The following CSMD3 variants were observed in gnomAD, a reference collection of about 807,000 sequenced individuals.
CSMD3 encodes the protein CUB and sushi domain-containing protein 3.
CSMD3 carries 177 observed loss-of-function variants against 435.2 expected under a neutral mutation model. That is an observed-to-expected ratio of 0.41 (90% confidence interval 0.36 to 0.46). CSMD3 has a LOEUF of 0.46. Ranked by LOEUF, CSMD3 falls within the 20% of genes least tolerant of loss-of-function variation. The pLI, the probability that CSMD3 is intolerant of heterozygous loss-of-function variation, is 0.34. For missense variants in CSMD3, 4,265 were observed against 4,504.6 expected (o/e 0.95, Z 1.52); for synonymous variants, 1,656 against 1,520.5 (o/e 1.09, Z -2.07).
intron 10 of CSMD3, among the ~76,000 whole-genome samples, chr8:112,912,945 G>A (rs1212824076): frequency 1.3e-5 from 2 of 151,860 alleles, no homozygotes; most frequent in East Asian, 1.9e-4. Flanking sequence ...ATGGCCAACA[G>A]GTATATGGAA....
chr8:113,098,634 C>T (rs556710730), intron 5 of CSMD3, 122 bp downstream of exon 5: 3 of 711,728 alleles, frequency 4.2e-6, no homozygotes, highest in Non-Finnish European at 7.4e-6. Flanking sequence ...AACCTCTTCA[C>T]ATAACTTTCC....
chr8:112,563,400 AG>A (rs369946234), intron 24 of CSMD3, among the ~76,000 whole-genome samples: 48 of 151,804 alleles, frequency 3.2e-4, no homozygotes, highest in East Asian at 2.1e-3. Context: ...TTAAGATAAA[AG>A]GATCTTTTTT....
chr8:113,000,520 G>C (rs2085823487), intron 6 of CSMD3, among the ~76,000 whole-genome samples: 1 of 151,950 alleles, frequency 6.6e-6, no homozygotes, highest in African/African-American at 2.4e-5. Flanking sequence ...ATGTTAATTA[G>C]CCCGATTTAG....
rs116776464 is a variant in CSMD3 at position 112,683,197 on chromosome 8, G to A, written c.2483-561C>T. ...AAAAAGGAAGAGAGTTAATTCTTTC[G>A]CAATTACCATGTTCCAAGCACTGTG... On this transcript the variant is annotated intron_variant, in intron 15 of 70. Transcript: ENST00000297405. Among the ~76,000 whole-genome samples, 634 of 151,762 alleles carry A rather than the reference G, an allele frequency of 4.2e-3. 3 individuals carry two copies. The highest frequency in any genetic ancestry group is 0.014 in the African/African-American group (583 of 41,418).
intron 10 of CSMD3, among the ~76,000 whole-genome samples, chr8:112,885,217 T>C (rs540950503): frequency 6.6e-6 from 1 of 151,798 alleles, no homozygotes. Flanking sequence ...GGAAATGTCC[T>C]GATTAAGATA....
At chr8:113,376,739 T>C (rs758937113) in intron 1 of CSMD3, 2 of 1,613,954 alleles carry the variant, frequency 1.2e-6, no homozygotes, top group Non-Finnish European at 1.7e-6. Flanking sequence ...GATATCTACC[T>C]GAGGCTGTCT....
At position 113,111,090 on chromosome 8, in the gene CSMD3, A is replaced by T. The variant is rs551450915; in HGVS notation, c.710-12127T>A. Among the ~76,000 whole-genome samples, 4 of 152,308 alleles carry T rather than the reference A, an allele frequency of 2.6e-5. No homozygotes were observed. The East Asian group carries it at 7.7e-4, about 29-fold the overall frequency. ...TCATCACTATGGAGAGAGGATTTCAATGTATGAATTTTGGGGGAACATAAA... is the reference window on the plus strand; with the variant it reads ...TCATCACTATGGAGAGAGGATTTCATTGTATGAATTTTGGGGGAACATAAA... On this transcript the variant is annotated intron_variant, in intron 4 of 70. Coordinates refer to ENST00000297405, the MANE Select transcript of CSMD3 (RefSeq NM_198123.2).
intron 4 of CSMD3, among the ~76,000 whole-genome samples, chr8:113,173,322 T>C (rs2092297992): frequency 2.6e-5 from 4 of 152,124 alleles, no homozygotes; most frequent in Admixed American, 2.0e-4. Flanking sequence ...TTTAGGTTTT[T>C]GTTTTGTTTT....
intron 41 of CSMD3, among the ~76,000 whole-genome samples, chr8:112,343,196 C>A (rs1825344959): frequency 6.6e-6 from 1 of 151,132 alleles, no homozygotes; most frequent in African/African-American, 2.4e-5. Context: ...CAAGAATTAG[C>A]CAGAAATTGA....
At chr8:113,281,739 G>GGT (rs768035967) in intron 2 of CSMD3, among the ~76,000 whole-genome samples, 78 of 151,490 alleles carry the variant, frequency 5.1e-4, no homozygotes, top group South Asian at 6.2e-4. Context: ...ATTTGTTTTT[G>GGT]GTTTTTAACT....
chr8:112,405,493 C>A (rs969460564), intron 35 of CSMD3, among the ~76,000 whole-genome samples: 1 of 151,122 alleles, frequency 6.6e-6, no homozygotes, highest in African/African-American at 2.4e-5. Context: ...AGCCAAGCGT[C>A]ATTATAATTA....
At chr8:113,172,657 T>C (rs952106317) in intron 4 of CSMD3, among the ~76,000 whole-genome samples, 3 of 152,204 alleles carry the variant, frequency 2.0e-5, no homozygotes, top group South Asian at 2.1e-4. Context: ...CACATGGCAA[T>C]TGACAAAGCT....
chr8:112,842,529 A>G (rs2080208828), intron 11 of CSMD3, among the ~76,000 whole-genome samples: 1 of 133,816 alleles, frequency 7.5e-6, no homozygotes, highest in Non-Finnish European at 1.6e-5. Flanking sequence ...CAATAGTAAT[A>G]TTATTAACAC....
At chr8:112,543,480 G>T (rs1290807045) in intron 27 of CSMD3, among the ~76,000 whole-genome samples, 1 of 151,978 alleles carries the variant, frequency 6.6e-6, no homozygotes, top group African/African-American at 2.4e-5. Flanking sequence ...GGTATATAAA[G>T]AAATGGTTAA....
intron 27 of CSMD3, among the ~76,000 whole-genome samples, chr8:112,546,113 T>C (rs181248448): frequency 1.0e-3 from 153 of 152,350 alleles, no homozygotes; most frequent in Non-Finnish European, 1.3e-3. Context: ...CGTGCGACGA[T>C]ATTGTCCTTT....
At chr8:112,614,732 G>C (rs1833532111) in intron 22 of CSMD3, among the ~76,000 whole-genome samples, 1 of 151,928 alleles carries the variant, frequency 6.6e-6, no homozygotes, top group Non-Finnish European at 1.5e-5. Context: ...GTTAGATATT[G>C]AATTTTATTT....
chr8:112,860,285 A>T (rs1350308057), intron 10 of CSMD3, among the ~76,000 whole-genome samples: 1 of 151,772 alleles, frequency 6.6e-6, no homozygotes, highest in African/African-American at 2.4e-5. Flanking sequence ...ATTTCAGACA[A>T]CTTTCCTGCA....
intron 6 of CSMD3, among the ~76,000 whole-genome samples, chr8:113,005,008 C>T (rs1388285679): frequency 2.0e-5 from 3 of 151,504 alleles, no homozygotes; most frequent in African/African-American, 7.3e-5. Context: ...TCTCAAGAGA[C>T]ATATATGTAT....
chr8:112,713,136 A>G (rs2076646614), intron 13 of CSMD3, among the ~76,000 whole-genome samples: 1 of 152,042 alleles, frequency 6.6e-6, no homozygotes, highest in Admixed American at 6.6e-5. Context: ...CCCACCTGAG[A>G]GCCACATGGG....
Sources: allele counts gnomAD v4.1 joint callset (sites outside exome capture counted in the v4.1 genomes callset), GRCh38; gene constraint gnomAD v4.1.1; transcripts MANE v1.5; gene names NCBI Gene and HGNC (gene_info 2026-07-23, HGNC 2026-07-21).